The following ATP6V1B2 variants were observed in gnomAD, a reference collection of about 807,000 sequenced individuals.
ATP6V1B2 encodes ATPase H+ transporting V1 subunit B2, also known as V-type proton ATPase subunit B, brain isoform.
Under a neutral mutation model 66.7 loss-of-function variants are expected in ATP6V1B2, and 23 were observed. That is an observed-to-expected ratio of 0.34 (90% confidence interval 0.25 to 0.49). The LOEUF (loss-of-function observed/expected upper bound fraction) is 0.49, where lower values mean the gene tolerates loss of function less well. Ranked by LOEUF, ATP6V1B2 falls within the 20% of genes least tolerant of loss-of-function variation. The probability of loss-of-function intolerance (pLI) is 0.99; values close to 1 mark genes in which losing one functional copy is unlikely to be tolerated. For missense variants in ATP6V1B2, 478 were observed against 650.8 expected (o/e 0.73, Z 2.89); for synonymous variants, 278 against 236.7 (o/e 1.17, Z -1.60).
chr8:20,198,881 T>G (rs2072655326), intron 1 of ATP6V1B2, among the ~76,000 whole-genome samples: 1 of 152,246 alleles, frequency 6.6e-6, no homozygotes, highest in African/African-American at 2.4e-5. Flanking sequence ...AAGTAGCTAC[T>G]TCAGGAAATC....
intron 13 of ATP6V1B2, among the ~76,000 whole-genome samples, 199 bp from the exon 14 acceptor site, chr8:20,220,064 T>A (rs2072893024): frequency 6.6e-6 from 1 of 152,170 alleles, no homozygotes; most frequent in African/African-American, 2.4e-5. Context: ...CAGCCGCCTC[T>A]TCCCTCTTCT....
intron 13 of ATP6V1B2, among the ~76,000 whole-genome samples, chr8:20,219,064 C>CT (rs1468689555): frequency 6.6e-6 from 1 of 152,212 alleles, no homozygotes; most frequent in African/African-American, 2.4e-5. Flanking sequence ...TTTGAAATAT[C>CT]TTACCCTATT....
intron 5 of ATP6V1B2, 96 bp from the exon 6 acceptor site, chr8:20,211,081 G>T (rs1473378796): frequency 2.0e-6 from 3 of 1,483,254 alleles, no homozygotes; most frequent in Non-Finnish European, 2.7e-6. Context: ...TGGTCTTCTG[G>T]TGCTTTTTCT....
At chr8:20,203,367 G>A (rs1204599869) in intron 1 of ATP6V1B2, among the ~76,000 whole-genome samples, 5 of 152,164 alleles carry the variant, frequency 3.3e-5, no homozygotes, top group African/African-American at 7.2e-5. Flanking sequence ...TGGCTTCCCC[G>A]CCTGAGGCTG....
chr8:20,203,358 G>T (rs932757950), intron 1 of ATP6V1B2, among the ~76,000 whole-genome samples: 8 of 152,182 alleles, frequency 5.3e-5, no homozygotes, highest in African/African-American at 1.9e-4. Context: ...CCAGGGCTCT[G>T]GCTTCCCCGC....
rs558999717 is a variant in ATP6V1B2 at position 20,197,399 on chromosome 8, G to T, written c.-8G>T. ...CGCTGCTGGGCCAGTCGGGACAGAG[G>T]AGACAAGATGGCGCTGCGGGCGATG... On this transcript the variant is annotated 5_prime_UTR_variant, in exon 1 of 14. Transcript: ENST00000276390. The T allele has an allele frequency of 6.5e-7, 1 of 1,533,498 alleles. No homozygotes were observed. Among genetic ancestry groups the T allele is most frequent in the Non-Finnish European group, 8.8e-7 (1 of 1,141,466 alleles). The allele number at this position is 1,533,498 out of a possible 1,614,324, so 95.0% of individuals were successfully genotyped here. A position where few individuals can be genotyped will look rare whatever the true frequency, so the allele number is the denominator to read the frequency against.
chr8:20,218,323 T>C (rs1196975328), intron 13 of ATP6V1B2, 41 bp downstream of exon 13: 1 of 1,594,386 alleles, frequency 6.3e-7, no homozygotes, highest in Non-Finnish European at 8.5e-7. Context: ...AAGCCTCATA[T>C]GTAATTTTGA....
At chr8:20,201,458 T>G (rs1230349300) in intron 1 of ATP6V1B2, among the ~76,000 whole-genome samples, 1 of 152,166 alleles carries the variant, frequency 6.6e-6, no homozygotes, top group Non-Finnish European at 1.5e-5. Flanking sequence ...CTGCTTGGTT[T>G]TCTTTGCAGA....
intron 13 of ATP6V1B2, among the ~76,000 whole-genome samples, 179 bp from the exon 14 acceptor site, chr8:20,220,084 T>C (rs1414696429): frequency 6.6e-6 from 1 of 152,266 alleles, no homozygotes; most frequent in East Asian, 1.9e-4. Flanking sequence ...TCTGGTTCCT[T>C]ATGATACTCA....
intron 6 of ATP6V1B2, 103 bp downstream of exon 6, chr8:20,211,419 T>C (rs945783583): frequency 6.8e-7 from 1 of 1,463,538 alleles, no homozygotes; most frequent in South Asian, 1.4e-5. Context: ...AAATAAATAC[T>C]CAGTGTTATT....
At chr8:20,207,285 A>C (rs1444144809) in intron 2 of ATP6V1B2, among the ~76,000 whole-genome samples, 1 of 152,240 alleles carries the variant, frequency 6.6e-6, no homozygotes, top group Non-Finnish European at 1.5e-5. Context: ...AACTCTTCAC[A>C]CATGAGAATT....
chr8:20,202,510 C>A (rs1176330219), intron 1 of ATP6V1B2, among the ~76,000 whole-genome samples: 1 of 152,170 alleles, frequency 6.6e-6, no homozygotes, highest in Non-Finnish European at 1.5e-5. Flanking sequence ...ATACGTTGTT[C>A]CAAATTTAGA....
intron 1 of ATP6V1B2, chr8:20,203,889 A>G (rs2072711657): frequency 2.3e-6 from 1 of 433,524 alleles, no homozygotes. Context: ...TCCATTGCCT[A>G]CTCCGTCCTT....
At chr8:20,201,018 G>A (rs942037708) in intron 1 of ATP6V1B2, among the ~76,000 whole-genome samples, 1 of 152,208 alleles carries the variant, frequency 6.6e-6, no homozygotes, top group African/African-American at 2.4e-5. Flanking sequence ...TATCCTGCAG[G>A]AGGAAGAGGA....
At chr8:20,212,348 T>C (rs751596705) in intron 8 of ATP6V1B2, 149 bp downstream of exon 8, 5 of 735,898 alleles carry the variant, frequency 6.8e-6, no homozygotes, top group Non-Finnish European at 1.1e-5. Flanking sequence ...TTCTTGGTAG[T>C]TATCTGGCAC....
chr8:20,218,744 G>A (rs534672722), intron 13 of ATP6V1B2, among the ~76,000 whole-genome samples: 26 of 151,944 alleles, frequency 1.7e-4, no homozygotes, highest in Non-Finnish European at 2.9e-4. Flanking sequence ...CCCTCCCAGC[G>A]TCCACTTTTC....
chr8:20,199,838 T>G (rs1035892170), intron 1 of ATP6V1B2, among the ~76,000 whole-genome samples: 1 of 152,118 alleles, frequency 6.6e-6, no homozygotes, highest in Non-Finnish European at 1.5e-5. Context: ...GGCGAACTCC[T>G]GAGCTCAGGC....
chr8:20,200,824 G>T (rs1204397642), intron 1 of ATP6V1B2, among the ~76,000 whole-genome samples: 1 of 152,132 alleles, frequency 6.6e-6, no homozygotes, highest in Admixed American at 6.5e-5. Context: ...CTCTTCTTCA[G>T]GTGCTCACTG....
intron 2 of ATP6V1B2, among the ~76,000 whole-genome samples, chr8:20,207,359 G>A (rs1030806567): frequency 6.6e-6 from 1 of 152,052 alleles, no homozygotes; most frequent in Non-Finnish European, 1.5e-5. Context: ...TATTGTTAGG[G>A]CAATTGGTTT....
Sources: allele counts gnomAD v4.1 joint callset (sites outside exome capture counted in the v4.1 genomes callset), GRCh38; gene constraint gnomAD v4.1.1; transcripts MANE v1.5; gene names NCBI Gene and HGNC (gene_info 2026-07-23, HGNC 2026-07-21).